The following PLEKHA5 variants were observed in gnomAD, a reference collection of about 807,000 sequenced individuals.
PLEKHA5 encodes pleckstrin homology domain containing A5.
In PLEKHA5, 55 loss-of-function variants were observed where a neutral mutation model predicts 181.9. That is an observed-to-expected ratio of 0.30 (90% confidence interval 0.24 to 0.38). The LOEUF (loss-of-function observed/expected upper bound fraction) is 0.38. PLEKHA5 is among the 10% of genes least tolerant of loss of function. The probability of loss-of-function intolerance (pLI) is 1.00; values close to 1 mark genes in which losing one functional copy is unlikely to be tolerated. For synonymous variants in PLEKHA5, 535 were observed against 529.4 expected (o/e 1.01, Z -0.15); for missense variants, 1,432 against 1,549.5 (o/e 0.92, Z 1.27).
intron 3 of PLEKHA5, among the ~76,000 whole-genome samples, chr12:19,156,489 CA>C (rs2041758431): frequency 6.6e-6 from 1 of 151,728 alleles, no homozygotes; most frequent in Admixed American, 6.6e-5. Flanking sequence ...TTCTAGGATC[CA>C]AAATAACATT....
At position 19,322,502 on chromosome 12, in the gene PLEKHA5, C is replaced by A. The variant is rs1400584930; in HGVS notation, c.2299-16C>A. ...ATGATGCAGAACATTAAGTGTAATTCTTTTTATCATAATAGTACACGCTTG... is the reference window on the plus strand; with the variant it reads ...ATGATGCAGAACATTAAGTGTAATTATTTTTATCATAATAGTACACGCTTG... On this transcript the variant is annotated splice_polypyrimidine_tract_variant and intron_variant, in intron 19 of 31. Coordinates refer to ENST00000429027, the MANE Select transcript of PLEKHA5 (RefSeq NM_001256470.2). 12 of 1,612,720 alleles carry A rather than the reference C, an allele frequency of 7.4e-6. No individual in the cohort carries two copies. The highest frequency in any genetic ancestry group is 1.7e-5 in the Admixed American group (1 of 59,972).
In PLEKHA5 at chr12:19,130,476, C is replaced by A. The variant is rs1330432857; in HGVS notation, c.169+346C>A. On this transcript the variant is annotated intron_variant, in intron 2 of 31. Coordinates refer to ENST00000429027, the MANE Select transcript of PLEKHA5 (RefSeq NM_001256470.2). This position sits in a 1 kb window ranked among gnomAD's most constrained non-coding sequence, Gnocchi z 4.5. The stretch of plus-strand genomic sequence containing the variant: ...GGAGTCCTGAGTTTTTCCTCCGCGG[C>A]CGCTACTCACTCCCCGGTGACCCCC... 6.6e-6 allele frequency among the ~76,000 whole-genome samples: 1 copy of A among 151,866 alleles called. No individual in the cohort carries two copies. The highest frequency in any genetic ancestry group is 1.9e-4 in the East Asian group (1 of 5,144).
At chr12:19,196,007 A>T (rs2052626862) in intron 3 of PLEKHA5, among the ~76,000 whole-genome samples, 1 of 152,138 alleles carries the variant, frequency 6.6e-6, no homozygotes, top group African/African-American at 2.4e-5. Context: ...CCTTACCTAC[A>T]CTAATTGAGA....
At chr12:19,253,709 A>G (rs1274498777) in intron 3 of PLEKHA5, among the ~76,000 whole-genome samples, 1 of 150,864 alleles carries the variant, frequency 6.6e-6, no homozygotes, top group East Asian at 1.9e-4. Flanking sequence ...AATCCAAGCT[A>G]CTTGGGAGGC....
intron 20 of PLEKHA5, among the ~76,000 whole-genome samples, chr12:19,329,517 T>C (rs1028829771): frequency 1.3e-5 from 2 of 152,174 alleles, no homozygotes; most frequent in African/African-American, 2.4e-5. Flanking sequence ...CAGAACTCAA[T>C]ATTGGTCTGT....
chr12:19,161,008 T>G (rs1354763437), intron 3 of PLEKHA5, among the ~76,000 whole-genome samples: 2 of 152,188 alleles, frequency 1.3e-5, no homozygotes, highest in Non-Finnish European at 2.9e-5. Context: ...GGATTTATTA[T>G]AGAAACACTA....
intron 28 of PLEKHA5, among the ~76,000 whole-genome samples, chr12:19,361,275 C>T (rs1441492457): frequency 1.3e-5 from 2 of 152,170 alleles, no homozygotes; most frequent in African/African-American, 2.4e-5. Flanking sequence ...CTCCACCTGC[C>T]AGGTTCACGC....
chr12:19,318,641 G>T (rs1296888399), intron 16 of PLEKHA5, among the ~76,000 whole-genome samples: 2 of 152,064 alleles, frequency 1.3e-5, no homozygotes, highest in African/African-American at 2.4e-5. Context: ...AGCAAACTAC[G>T]GCTGGGCGTG....
intron 3 of PLEKHA5, chr12:19,201,153 T>C (rs1307486720): frequency 6.6e-6 from 1 of 152,022 alleles, no homozygotes. Context: ...AACTCAATAA[T>C]AACAAGACAA....
chr12:19,166,467 C>T (rs1017620047), intron 3 of PLEKHA5, among the ~76,000 whole-genome samples: 16 of 151,902 alleles, frequency 1.1e-4, no homozygotes, highest in African/African-American at 3.6e-4. Flanking sequence ...TTTTTTGCGC[C>T]CGTACTCATC....
At chr12:19,224,662 A>G (rs532824756) in intron 3 of PLEKHA5, among the ~76,000 whole-genome samples, 2 of 152,280 alleles carry the variant, frequency 1.3e-5, no homozygotes, top group African/African-American at 4.8e-5. Flanking sequence ...ATTTTAGACA[A>G]TTTGCTTCAG....
At chr12:19,135,261 C>A (rs890599881) in intron 3 of PLEKHA5, among the ~76,000 whole-genome samples, 2 of 152,122 alleles carry the variant, frequency 1.3e-5, no homozygotes, top group Admixed American at 1.3e-4. Context: ...GGTATTGACA[C>A]TTGCATCTCT....
At chr12:19,284,093 G>T (rs2076731280) in intron 12 of PLEKHA5, among the ~76,000 whole-genome samples, 1 of 152,036 alleles carries the variant, frequency 6.6e-6, no homozygotes, top group Middle Eastern at 3.2e-3. Flanking sequence ...TTTTGAGATG[G>T]AGTCTCTCTC....
chr12:19,361,710 A>G lies in PLEKHA5; in HGVS notation c.3608+4A>G. On this transcript the variant is annotated splice_donor_region_variant and intron_variant, in intron 29 of 31. Coordinates refer to ENST00000429027, the MANE Select transcript of PLEKHA5 (RefSeq NM_001256470.2). ...TGCCTGAGGATGTTACATTCAGGTA[A>G]TATTTAAGAAAAGCAAAGGAATCAT... 3 of 1,589,708 alleles carry G rather than the reference A, an allele frequency of 1.9e-6. No homozygotes were observed. The highest frequency in any genetic ancestry group is 1.4e-5 in the African/African-American group (1 of 73,706).
intron 31 of PLEKHA5, chr12:19,372,764 T>C (rs915026178): frequency 4.0e-5 from 6 of 151,860 alleles, no homozygotes; most frequent in Non-Finnish European, 7.3e-5. Flanking sequence ...TTTTTTCTTT[T>C]TTCTTTTTTC....
At chr12:19,140,811 C>T (rs1287278203) in intron 3 of PLEKHA5, among the ~76,000 whole-genome samples, 1 of 152,148 alleles carries the variant, frequency 6.6e-6, no homozygotes, top group African/African-American at 2.4e-5. Context: ...TTTTTGGAGA[C>T]AGAGTCTCGC....
intron 15 of PLEKHA5, among the ~76,000 whole-genome samples, chr12:19,296,512 A>C (rs1592362839): frequency 6.6e-6 from 1 of 151,110 alleles, no homozygotes; most frequent in East Asian, 2.0e-4. Flanking sequence ...CATGCCCTGC[A>C]CTCCAGCCTG....
intron 3 of PLEKHA5, among the ~76,000 whole-genome samples, chr12:19,216,919 C>G (rs538947130): frequency 2.6e-5 from 4 of 152,276 alleles, no homozygotes; most frequent in African/African-American, 9.6e-5. Context: ...CCTTGACTCT[C>G]TCTCCAGAAA....
chr12:19,365,837 G>C, intron 29 of PLEKHA5, 127 bp from the exon 30 acceptor site: 1 of 612,398 alleles, frequency 1.6e-6, no homozygotes. Context: ...TCAAAAGAAA[G>C]AAAAGATTAA....
Sources: gnomAD v4.1 joint callset for allele counts (sites outside exome capture counted in the v4.1 genomes callset) on GRCh38, gnomAD v4.1.1 for gene constraint, Gnocchi (gnomAD v3.1) non-coding constraint, MANE v1.5 for transcripts, NCBI Gene and HGNC (gene_info 2026-07-23, HGNC 2026-07-21) for gene names.